The following C7orf78 variants were observed in gnomAD, a reference collection of about 807,000 sequenced individuals.
C7orf78 encodes the protein putative uncharacterized protein C7orf78.
the C7orf78 span, among the ~76,000 whole-genome samples, chr7:12,486,526 A>G: frequency 6.6e-6 from 1 of 152,034 alleles, no homozygotes; most frequent in Non-Finnish European, 1.5e-5. Context: ...ACAATGTATT[A>G]AATTTATGTT....
the C7orf78 span, among the ~76,000 whole-genome samples, chr7:12,521,417 C>T: frequency 2.2e-4 from 33 of 151,558 alleles, no homozygotes; most frequent in Non-Finnish European, 5.9e-5. Context: ...TAGTATGGGG[C>T]TTACATTTTA....
the C7orf78 span, among the ~76,000 whole-genome samples, chr7:12,536,143 TCTGTA>T: frequency 2.6e-5 from 4 of 152,316 alleles, no homozygotes; most frequent in Admixed American, 2.6e-4. Flanking sequence ...ACATTACCTG[TCTGTA>T]CTGCCCTAGC....
the C7orf78 span, among the ~76,000 whole-genome samples, chr7:12,533,440 A>G: frequency 4.6e-5 from 7 of 151,158 alleles, no homozygotes; most frequent in Non-Finnish European, 8.8e-5. Flanking sequence ...ACCTCAGGTG[A>G]TCAACCTGCC....
the C7orf78 span, among the ~76,000 whole-genome samples, chr7:12,532,135 T>C: frequency 6.6e-6 from 1 of 152,110 alleles, no homozygotes; most frequent in Admixed American, 6.5e-5. Context: ...TGGTCCCAGG[T>C]AGTTATTTCC....
At chr7:12,516,667 C>T in the C7orf78 span, among the ~76,000 whole-genome samples, 2 of 152,234 alleles carry the variant, frequency 1.3e-5, no homozygotes, top group African/African-American at 4.8e-5. Context: ...GAGGAGCTGC[C>T]TAACACCATG....
the C7orf78 span, chr7:12,530,501 T>C: frequency 6.6e-6 from 1 of 152,172 alleles, no homozygotes; most frequent in Non-Finnish European, 1.5e-5. Context: ...ATGTTAACGC[T>C]GGTGAGTTGC....
chr7:12,509,468 A>G, the C7orf78 span, among the ~76,000 whole-genome samples: 5 of 152,234 alleles, frequency 3.3e-5, no homozygotes, highest in Non-Finnish European at 4.4e-5. Flanking sequence ...ATTAACCCAT[A>G]AGGGTCAACA....
the C7orf78 span, among the ~76,000 whole-genome samples, chr7:12,500,277 T>C: frequency 3.3e-4 from 50 of 151,900 alleles, no homozygotes; most frequent in Middle Eastern, 6.8e-3. Context: ...TTCAAAAAAT[T>C]AATGAATCCA....
the C7orf78 span, among the ~76,000 whole-genome samples, chr7:12,492,974 G>A: frequency 6.6e-6 from 1 of 152,178 alleles, no homozygotes; most frequent in African/African-American, 2.4e-5. Context: ...AGGCCGAGGT[G>A]GGTGGATAAC....
chr7:12,513,564 TC>T, the C7orf78 span, among the ~76,000 whole-genome samples: 6 of 152,182 alleles, frequency 3.9e-5, no homozygotes, highest in African/African-American at 1.4e-4. Flanking sequence ...TTTTTGGAGT[TC>T]CCCTGGTATT....
chr7:12,503,717 G>A, the C7orf78 span, among the ~76,000 whole-genome samples: 1 of 151,804 alleles, frequency 6.6e-6, no homozygotes, highest in East Asian at 1.9e-4. Context: ...CATTATATTT[G>A]AAGTTTTCTA....
the C7orf78 span, chr7:12,523,227 A>G: frequency 2.6e-6 from 1 of 388,918 alleles, no homozygotes; most frequent in Non-Finnish European, 4.5e-6. Context: ...AAGGAAGAAA[A>G]AAGGAGGAAA....
the C7orf78 span, among the ~76,000 whole-genome samples, chr7:12,499,304 G>C: frequency 1.3e-5 from 2 of 152,124 alleles, no homozygotes; most frequent in Non-Finnish European, 2.9e-5. Context: ...TGGATAAAGA[G>C]TCAAGACCCA....
At chr7:12,538,744 C>T in the C7orf78 span, among the ~76,000 whole-genome samples, 1,650 of 152,208 alleles carry the variant, frequency 0.011, 79 homozygotes, top group Admixed American at 0.093. Context: ...ACCCTCCATA[C>T]GGCTCACCAA....
At chr7:12,502,999 T>C in the C7orf78 span, among the ~76,000 whole-genome samples, 40,037 of 143,500 alleles carry the variant, frequency 0.28, 6,239 homozygotes, top group African/African-American at 0.43. Flanking sequence ...AACCAAACAC[T>C]GCATATTCTC....
the C7orf78 span, among the ~76,000 whole-genome samples, chr7:12,497,507 G>A: frequency 6.6e-6 from 1 of 152,172 alleles, no homozygotes; most frequent in Non-Finnish European, 1.5e-5. Flanking sequence ...ACTCCCACTC[G>A]AATACTGCGC....
the C7orf78 span, chr7:12,506,933 A>G: frequency 6.2e-6 from 3 of 484,610 alleles, no homozygotes; most frequent in South Asian, 4.5e-5. Context: ...ACAGTCACAT[A>G]AAGTGCTGAA....
the C7orf78 span, chr7:12,486,879 C>G: frequency 6.6e-6 from 1 of 150,792 alleles, no homozygotes; most frequent in Non-Finnish European, 1.5e-5. Context: ...AGCAAATAAA[C>G]TGATAAATTA....
chr7:12,500,014 C>G, the C7orf78 span, among the ~76,000 whole-genome samples: 75,791 of 84,778 alleles, frequency 0.89, 34,078 homozygotes, highest in East Asian at 1. Context: ...CAGAAATAAA[C>G]ATGTTCTTTG....
Sources: allele counts gnomAD v4.1 joint callset (sites outside exome capture counted in the v4.1 genomes callset), GRCh38; gene constraint gnomAD v4.1.1; transcripts MANE v1.5; gene names NCBI Gene and HGNC (gene_info 2026-07-23, HGNC 2026-07-21).